DIAPH1: variants seen among roughly 807,000 people sequenced by gnomAD.
DIAPH1 encodes diaphanous related formin 1, also known as protein diaphanous homolog 1.
Under a neutral mutation model 140.7 loss-of-function variants are expected in DIAPH1, and 46 were observed. The ratio of observed to expected loss-of-function variants is 0.33; its 90% CI spans 0.26 to 0.42. The LOEUF (loss-of-function observed/expected upper bound fraction) is 0.42, where lower values mean the gene tolerates loss of function less well. DIAPH1 is among the 10% of genes least tolerant of loss of function. DIAPH1 has a pLI of 1.00. For synonymous variants in DIAPH1, 565 were observed against 551.6 expected, an observed-to-expected ratio of 1.02 and a Z score of -0.34; for missense variants, 1,310 against 1,558.7, an observed-to-expected ratio of 0.84 and a Z score of 2.69.
At chr5:141,527,102 C>T (rs971214895) in intron 24 of DIAPH1, among the ~76,000 whole-genome samples, 3 of 151,984 alleles carry the variant, frequency 2.0e-5, no homozygotes, top group Non-Finnish European at 2.9e-5. Flanking sequence ...CATGTGTGAG[C>T]GTGTGTAGTG....
chr5:141,561,714 A>T (rs2099893571), intron 18 of DIAPH1: 1 of 152,220 alleles, frequency 6.6e-6, no homozygotes, highest in African/African-American at 2.4e-5. Flanking sequence ...TTTTAATATG[A>T]AACAATTGTA....
intron 1 of DIAPH1, among the ~76,000 whole-genome samples, chr5:141,614,233 A>C (rs2099902290): frequency 6.6e-6 from 1 of 152,198 alleles, no homozygotes; most frequent in Non-Finnish European, 1.5e-5. Flanking sequence ...CTGCATATAC[A>C]AACTCTTTGC....
At chr5:141,578,444 C>T in intron 10 of DIAPH1, 71 bp downstream of exon 10, 1 of 1,533,994 alleles carries the variant, frequency 6.5e-7, no homozygotes, top group Non-Finnish European at 9.0e-7. Flanking sequence ...CCAGAATTAT[C>T]CCCGGGATTA....
chr5:141,519,027 C>G, intron 27 of DIAPH1: 2 of 1,546,478 alleles, frequency 1.3e-6, no homozygotes, highest in Non-Finnish European at 1.7e-6. Context: ...AGTGAAGACC[C>G]TGACTGACAG....
At chr5:141,537,483 C>CAAA (rs34323841) in intron 18 of DIAPH1, among the ~76,000 whole-genome samples, 4 of 36,968 alleles carry the variant, frequency 1.1e-4, no homozygotes, top group Admixed American at 3.7e-4. Context: ...AACTCCGTCT[C>CAAA]AAAAAAAAAA....
In DIAPH1 at chr5:141,515,968, CAGG is replaced by C. The variant is rs2099885616; in HGVS notation, c.*880_*882del. On this transcript the variant is annotated 3_prime_UTR_variant, in exon 28 of 28. Transcript: ENST00000389054. ...TCCATTTGCAAAACAATTTCTCAGC[CAGG>C]AGGCTCCACCTCCCATTTCCTTGTA... The C allele has an allele frequency of 6.6e-6, 1 of 152,222 alleles. No homozygotes were observed. Among genetic ancestry groups the C allele is most frequent in the African/African-American group, 2.4e-5 (1 of 41,436 alleles). The allele number at this position is 152,222 out of a possible 1,614,324, so 9.4% of individuals were successfully genotyped here.
chr5:141,549,499 T>C (rs1438273503), intron 18 of DIAPH1, among the ~76,000 whole-genome samples: 4 of 152,048 alleles, frequency 2.6e-5, no homozygotes, highest in African/African-American at 9.7e-5. Flanking sequence ...AGATAAAAAC[T>C]TGGAAAGGAC....
intron 20 of DIAPH1, 87 bp from the exon 21 acceptor site, chr5:141,529,360 A>G: frequency 1.8e-6 from 2 of 1,102,430 alleles, no homozygotes; most frequent in East Asian, 2.4e-5. Context: ...TCAGTCCCAC[A>G]CTCTGCTCAA....
At chr5:141,566,354 A>G (rs1410341191) in intron 18 of DIAPH1, among the ~76,000 whole-genome samples, 1 of 152,232 alleles carries the variant, frequency 6.6e-6, no homozygotes, top group African/African-American at 2.4e-5. Context: ...ATTGGAGTAT[A>G]GAAGAGTGGA....
intron 26 of DIAPH1, among the ~76,000 whole-genome samples, chr5:141,525,613 T>C (rs765963383): frequency 7.2e-5 from 11 of 152,148 alleles, no homozygotes; most frequent in Admixed American, 4.6e-4. Flanking sequence ...AGGGACATAG[T>C]ACTTTGTGAA....
chr5:141,529,330 AAAC>A, intron 20 of DIAPH1, 57 bp from the exon 21 acceptor site: 1 of 1,399,062 alleles, frequency 7.1e-7, no homozygotes, highest in Non-Finnish European at 1.0e-6. Context: ...ACTCAAGCCT[AAAC>A]AACTTTTACT....
chr5:141,566,798 G>A (rs939809811), intron 18 of DIAPH1, among the ~76,000 whole-genome samples: 1 of 152,218 alleles, frequency 6.6e-6, no homozygotes, highest in Non-Finnish European at 1.5e-5. Context: ...GGGAGGCTGA[G>A]GCAGGAGAAT....
intron 18 of DIAPH1, among the ~76,000 whole-genome samples, chr5:141,550,269 C>T (rs550918791): frequency 2.0e-5 from 3 of 152,030 alleles, no homozygotes; most frequent in East Asian, 1.9e-4. Context: ...AATGAGGACA[C>T]GAGACAAATC....
chr5:141,584,292 A>C, intron 3 of DIAPH1, 67 bp from the exon 4 acceptor site: 1 of 852,348 alleles, frequency 1.2e-6, no homozygotes, highest in Non-Finnish European at 2.0e-6. Context: ...TTTAGTGTTT[A>C]ATATTAGTAT....
At chr5:141,521,703 G>A (rs1297971355) in intron 27 of DIAPH1, among the ~76,000 whole-genome samples, 1 of 152,164 alleles carries the variant, frequency 6.6e-6, no homozygotes, top group African/African-American at 2.4e-5. Flanking sequence ...TTAGCTCAAA[G>A]CAATCAGCCA....
rs577931519 is a variant in DIAPH1, at chr5:141,616,873, T to A, written c.117+1925A>T. Among the ~76,000 whole-genome samples, 32 of 152,264 alleles carry A rather than the reference T, an allele frequency of 2.1e-4. No individual in the cohort carries two copies. In the South Asian group the frequency reaches 6.4e-3, roughly 31 times the overall value. On this transcript the variant is annotated intron_variant, in intron 1 of 27. Transcript: ENST00000389054. ...CAAATACCTACAACCCTGAGCCAAATCCATTAAACATATAGAAGACTTCAT... is the reference window on the plus strand; with the variant it reads ...CAAATACCTACAACCCTGAGCCAAAACCATTAAACATATAGAAGACTTCAT...
intron 19 of DIAPH1, among the ~76,000 whole-genome samples, chr5:141,531,266 C>G (rs1262085299): frequency 6.6e-6 from 1 of 152,050 alleles, no homozygotes; most frequent in East Asian, 1.9e-4. Flanking sequence ...CTCCTTTATC[C>G]CAAGTCAATC....
intron 1 of DIAPH1, among the ~76,000 whole-genome samples, chr5:141,593,680 C>T (rs1425738198): frequency 6.6e-6 from 1 of 152,132 alleles, no homozygotes; most frequent in Non-Finnish European, 1.5e-5. Flanking sequence ...GGCAAATAAA[C>T]TTACGAAAGA....
At chr5:141,557,883 C>T (rs1156808247) in intron 18 of DIAPH1, 1 of 152,260 alleles carries the variant, frequency 6.6e-6, no homozygotes, top group Non-Finnish European at 1.5e-5. Context: ...CAGTCTCCCT[C>T]CCTCTGCAAA....
Sources: gnomAD v4.1 joint callset for allele counts (sites outside exome capture counted in the v4.1 genomes callset) on GRCh38, gnomAD v4.1.1 for gene constraint, MANE v1.5 for transcripts, NCBI Gene and HGNC (gene_info 2026-07-23, HGNC 2026-07-21) for gene names.